ADCY10: variants seen among roughly 807,000 people sequenced by gnomAD.
The protein encoded by ADCY10 is adenylate cyclase 10.
A neutral mutation model predicts 183.3 loss-of-function variants in ADCY10; 156 were observed. The observed-to-expected ratio is 0.85, with a 90% CI of 0.75 to 0.97. The LOEUF (loss-of-function observed/expected upper bound fraction) is 0.97. ADCY10 is among the 50% of genes least tolerant of loss of function. ADCY10 has a pLI of 0.00. For synonymous variants in ADCY10, 645 were observed against 670.0 expected, an observed-to-expected ratio of 0.96 and a Z score of 0.58; for missense variants, 1,745 against 1,934.3, an observed-to-expected ratio of 0.90 and a Z score of 1.84.
rs1318449853 is a variant in ADCY10 at position 167,810,804 on chromosome 1, C to T, written c.4592G>A (p.Gly1531Asp). 2 of 1,614,202 alleles carry T rather than the reference C, an allele frequency of 1.2e-6. No homozygotes were observed. The highest frequency in any genetic ancestry group is 1.1e-5 in the South Asian group (1 of 91,084). ...CILMGDGQKC[G>D]LFLNTALRLS... ...CCGCAAGGCTGTGTTCAGGAAGAGG[C>T]CACATTTCTGCCCATCTCCCATTAA... Residue 1531 changes from glycine (G) to aspartate (D), a missense_variant, in exon 32 of 33, where the codon GGC becomes GAC. Physicochemically the swap from Gly to Asp is moderately conservative, Grantham distance 94. Coordinates refer to ENST00000367851, the MANE Select transcript of ADCY10 (RefSeq NM_018417.6).
chr1:167,847,103 T>C (rs556717478), intron 19 of ADCY10, among the ~76,000 whole-genome samples: 1 of 151,962 alleles, frequency 6.6e-6, no homozygotes, highest in African/African-American at 2.4e-5. Context: ...TTTTTTGTGT[T>C]TGTAGGAGAG....
rs1236357608 is a variant in ADCY10, at chr1:167,809,670, T to C, written c.*8A>G. On this transcript the variant is annotated 3_prime_UTR_variant, in exon 33 of 33. Coordinates refer to ENST00000367851, the MANE Select transcript of ADCY10 (RefSeq NM_018417.6). ...TAGTGCTTATTAAAATCTTTTTTCT[T>C]TGACATGTTAGAAATGATTGTCCAC... 1.1e-5 allele frequency: 17 copies of C among 1,613,904 alleles called. No homozygotes were observed. The highest frequency in any genetic ancestry group is 1.7e-5 in the Admixed American group (1 of 60,006).
chr1:167,910,047 C>T lies in ADCY10; in HGVS notation c.-59+3929G>A, dbSNP rs79340545. On this transcript the variant is annotated intron_variant, in intron 1 of 32. Transcript: ENST00000367851. ...GTGGAACCCCTCACAGCTCTAAGCC[C>T]TTAAAAGGGCCAGGAACTGTTTCTT... Among the ~76,000 whole-genome samples the T allele has an allele frequency of 5.7e-3, 862 of 152,278 alleles. 17 individuals are homozygous for T. Among genetic ancestry groups the T allele is most frequent in the East Asian group, 0.038 (197 of 5,170 alleles).
chr1:167,846,319 C>T, intron 19 of ADCY10, 56 bp from the exon 20 acceptor site: 1 of 1,601,410 alleles, frequency 6.2e-7, no homozygotes, highest in Non-Finnish European at 8.6e-7. Flanking sequence ...ATCTAATATG[C>T]TGTATTTAAT....
At chr1:167,842,303 C>T (rs1035238101) in intron 21 of ADCY10, among the ~76,000 whole-genome samples, 5 of 152,128 alleles carry the variant, frequency 3.3e-5, no homozygotes, top group Admixed American at 1.3e-4. Context: ...TCATACCTGG[C>T]TAATTTTCTT....
chr1:167,850,964 G>A (rs76763531), intron 18 of ADCY10, among the ~76,000 whole-genome samples: 2,564 of 152,050 alleles, frequency 0.017, 26 homozygotes, highest in East Asian at 0.059. Flanking sequence ...GGATAATCTC[G>A]TAATTCAATT....
chr1:167,874,696 C>G (rs191522256), intron 13 of ADCY10, among the ~76,000 whole-genome samples: 1 of 152,190 alleles, frequency 6.6e-6, no homozygotes, highest in Admixed American at 6.5e-5. Flanking sequence ...TCATAAGAAC[C>G]AAAAACTGGA....
At chr1:167,899,377 G>A in intron 6 of ADCY10, 46 bp downstream of exon 6, 1 of 1,594,914 alleles carries the variant, frequency 6.3e-7, no homozygotes, top group Non-Finnish European at 8.6e-7. Context: ...GGGGGCCTCT[G>A]TTACAGGCTG....
chr1:167,877,972 C>G lies in ADCY10; in HGVS notation c.1406+474G>C, dbSNP rs111940881. On this transcript the variant is annotated intron_variant, in intron 12 of 32. Transcript: ENST00000367851. The stretch of plus-strand genomic sequence containing the variant: ...CATCACCATGAAAATGACTGAAAGC[C>G]ATTGAAGGATTTTAAGCTTCAAAGT... Among the ~76,000 whole-genome samples, 873 of 152,242 alleles carry G rather than the reference C, an allele frequency of 5.7e-3. 16 individuals carry two copies. The highest frequency in any genetic ancestry group is 0.02 in the African/African-American group (841 of 41,546).
At chr1:167,830,054 T>C (rs558686128) in intron 25 of ADCY10, among the ~76,000 whole-genome samples, 1 of 152,328 alleles carries the variant, frequency 6.6e-6, no homozygotes, top group African/African-American at 2.4e-5. Flanking sequence ...TTTTGTTCCT[T>C]AGCAGACAGC....
intron 11 of ADCY10, among the ~76,000 whole-genome samples, chr1:167,879,122 G>A (rs1161682418): frequency 6.6e-6 from 1 of 152,210 alleles, no homozygotes; most frequent in Non-Finnish European, 1.5e-5. Context: ...GAGGATTGAA[G>A]CACAGGCTCT....
At chr1:167,902,508 T>A (rs1018264983) in intron 3 of ADCY10, among the ~76,000 whole-genome samples, 2 of 152,262 alleles carry the variant, frequency 1.3e-5, no homozygotes, top group African/African-American at 4.8e-5. Flanking sequence ...TTTTGGTTAT[T>A]ACCAACTTTG....
At chr1:167,877,690 A>C (rs1667567974) in intron 12 of ADCY10, among the ~76,000 whole-genome samples, 1 of 152,178 alleles carries the variant, frequency 6.6e-6, no homozygotes, top group Non-Finnish European at 1.5e-5. Context: ...ATGCTATAGG[A>C]GGAAAAAAGG....
At chr1:167,889,871 A>G (rs1668479780) in intron 8 of ADCY10, among the ~76,000 whole-genome samples, 1 of 152,146 alleles carries the variant, frequency 6.6e-6, no homozygotes, top group Admixed American at 6.5e-5. Context: ...CTGTATTATC[A>G]GTTGTAATGT....
chr1:167,904,532 G>A (rs1203070277), intron 2 of ADCY10: 2 of 330,286 alleles, frequency 6.1e-6, no homozygotes, highest in Non-Finnish European at 1.1e-5. Flanking sequence ...CAACTGTACA[G>A]TGATAACTGC....
chr1:167,854,158 C>T (rs1267118812), intron 18 of ADCY10, among the ~76,000 whole-genome samples, 195 bp downstream of exon 18: 2 of 151,914 alleles, frequency 1.3e-5, no homozygotes, highest in African/African-American at 2.4e-5. Context: ...AATCTTTAGC[C>T]GAGTCCAGTG....
At chr1:167,863,169 G>C (rs900459333) in intron 14 of ADCY10, among the ~76,000 whole-genome samples, 4 of 152,146 alleles carry the variant, frequency 2.6e-5, no homozygotes, top group African/African-American at 7.2e-5. Flanking sequence ...CAGATAGCCC[G>C]GCGCCTAGGA....
chr1:167,833,060 G>A lies in ADCY10; in HGVS notation c.3520C>T (p.Leu1174Phe). The A allele has an allele frequency of 6.2e-7, 1 of 1,614,166 alleles. No homozygotes were observed. Among genetic ancestry groups the A allele is most frequent in the Non-Finnish European group, 8.5e-7 (1 of 1,180,030 alleles). Residue 1174 changes from leucine (L) to phenylalanine (F), a missense_variant, in exon 25 of 33, where the codon CTC (leucine) becomes TTC (phenylalanine). Coordinates refer to ENST00000367851, the MANE Select transcript of ADCY10 (RefSeq NM_018417.6). ...IFPYNLISLF[L>F]HIHVEKNRHF... ...CTGTTTTTCTCGACATGGATATGGA[G>A]AAACAAGGAGATTAAGTTGTAAGGA...
chr1:167,871,290 A>G (rs1477487646), intron 13 of ADCY10, among the ~76,000 whole-genome samples: 1 of 152,214 alleles, frequency 6.6e-6, no homozygotes, highest in Non-Finnish European at 1.5e-5. Flanking sequence ...ATAAAATTCA[A>G]TTTGCCTTCA....
Sources: gnomAD v4.1 joint callset for allele counts (sites outside exome capture counted in the v4.1 genomes callset) on GRCh38, gnomAD v4.1.1 for gene constraint, MANE v1.5 for transcripts, NCBI Gene and HGNC (gene_info 2026-07-23, HGNC 2026-07-21) for gene names.